Variants in BTD observed in about 807,000 individuals in gnomAD.
The protein encoded by BTD is biocytinase.
A neutral mutation model predicts 17.7 loss-of-function variants in BTD; 13 were observed. The ratio of observed to expected loss-of-function variants is 0.74; its 90% CI spans 0.48 to 1.17. BTD has a LOEUF of 1.17. Ranked by LOEUF, BTD falls within the 50% of genes most tolerant of loss-of-function variation. BTD has a pLI of 0.00. For missense variants in BTD, 674 were observed against 650.4 expected, an observed-to-expected ratio of 1.04 and a Z score of -0.39; for synonymous variants, 240 against 245.2, an observed-to-expected ratio of 0.98 and a Z score of 0.20.
chr3:15,605,965 C>T lies in BTD; in HGVS notation c.-17+4071C>T, dbSNP rs561396364. ...GACTGAGGTGGGAGAATCGTGTGAG[C>T]CAGGGAGGTAGATGTTGCAGTAAAC... On this transcript the variant is annotated intron_variant, in intron 1 of 3. Coordinates refer to ENST00000643237, the MANE Select transcript of BTD (RefSeq NM_001370658.1). 6.1e-5 allele frequency among the ~76,000 whole-genome samples: 9 copies of T among 148,414 alleles called. No homozygotes were observed. The South Asian group carries it at 1.5e-3, about 24-fold the overall frequency.
chr3:15,633,962 A>G (rs1420917586), intron 1 of BTD, among the ~76,000 whole-genome samples: 2 of 152,232 alleles, frequency 1.3e-5, no homozygotes, highest in Non-Finnish European at 2.9e-5. Context: ...ATCTTAAAAC[A>G]TTGTTTACAG....
At chr3:15,720,861 G>A (rs1485007367) in intron 4 of BTD, 2 of 1,499,510 alleles carry the variant, frequency 1.3e-6, no homozygotes, top group South Asian at 1.2e-5. Flanking sequence ...CACCATTGAT[G>A]TTGTTTTAAC....
At chr3:15,678,595 C>A (rs1349659683) in intron 3 of BTD, among the ~76,000 whole-genome samples, 1 of 152,060 alleles carries the variant, frequency 6.6e-6, no homozygotes, top group Non-Finnish European at 1.5e-5. Flanking sequence ...AGATTAATTA[C>A]AAAATTGCTA....
intron 3 of BTD, among the ~76,000 whole-genome samples, chr3:15,708,699 G>T (rs1328598793): frequency 6.6e-6 from 1 of 151,960 alleles, no homozygotes; most frequent in Non-Finnish European, 1.5e-5. Context: ...TATTTTTGTG[G>T]GTCATTAGTT....
intron 3 of BTD, among the ~76,000 whole-genome samples, chr3:15,643,433 G>A (rs906611959): frequency 2.6e-5 from 4 of 152,062 alleles, no homozygotes; most frequent in Non-Finnish European, 5.9e-5. Context: ...CCTGGGAGGC[G>A]GAAGTTGCAG....
At chr3:15,713,733 A>G (rs909632415), downstream of BTD, 7 of 717,822 alleles carry the variant, frequency 9.8e-6, no homozygotes, top group African/African-American at 1.1e-4. Context: ...CTGTTCACAT[A>G]CAAACTAATA....
In BTD at chr3:15,635,423, G is replaced by A; in HGVS notation, c.-16-1G>A. 1 of 1,614,210 alleles carries A rather than the reference G, an allele frequency of 6.2e-7. No homozygotes were observed. The highest frequency in any genetic ancestry group is 1.1e-5 in the South Asian group (1 of 91,078). On this transcript the variant is annotated splice_acceptor_variant, in intron 1 of 3. Transcript: ENST00000643237. LOFTEE classifies it low-confidence loss of function (5UTR_SPLICE). The surrounding 1 kb of genome is among the most constrained non-coding windows in gnomAD (Gnocchi z 4.1). The stretch of plus-strand genomic sequence containing the variant: ...TTTCCCCTTGCCCCATTACATTCCA[G>A]ATTTGTGGTCTGCATTATGTCTGGA...
intron 3 of BTD, chr3:15,675,843 T>C (rs2066878596): frequency 2.9e-6 from 4 of 1,372,292 alleles, no homozygotes; most frequent in South Asian, 1.4e-5. Context: ...TCTTCAAATA[T>C]GGATCAAAAG....
At chr3:15,713,837 T>G (rs745620889), downstream of BTD, among the ~76,000 whole-genome samples, 2 of 152,212 alleles carry the variant, frequency 1.3e-5, no homozygotes, top group Non-Finnish European at 2.9e-5. Flanking sequence ...TTGTGTGAAT[T>G]AAGCATAAGA....
chr3:15,707,224 T>A (rs1429827858), intron 3 of BTD, among the ~76,000 whole-genome samples: 1 of 151,330 alleles, frequency 6.6e-6, no homozygotes. Flanking sequence ...TGAAAATCTT[T>A]TCTGTTTTCA....
rs891458576 is a variant in BTD, at chr3:15,645,617, C to T, written c.*129C>T. On this transcript the variant is annotated 3_prime_UTR_variant, in exon 4 of 4. Transcript: ENST00000643237. ...AGCCCACTTCTGTGGCACCAGATTC[C>T]ACCCTGGGAACTGTGGAAAAAGTAG... The T allele has an allele frequency of 1.1e-5, 12 of 1,065,282 alleles. No individual in the cohort carries two copies. Among genetic ancestry groups the T allele is most frequent in the African/African-American group, 1.6e-5 (1 of 62,900 alleles). The allele number at this position is 1,065,282 out of a possible 1,614,324, so 66.0% of individuals were successfully genotyped here. A position where few individuals can be genotyped will look rare whatever the true frequency, so the allele number is the denominator to read the frequency against.
In BTD at chr3:15,601,830, T is replaced by C. The variant is rs2064254573; in HGVS notation, c.-81T>C. 2 of 1,614,030 alleles carry C rather than the reference T, an allele frequency of 1.2e-6. No individual in the cohort carries two copies. Among genetic ancestry groups the C allele is most frequent in the African/African-American group, 1.3e-5 (1 of 74,900 alleles). ...TCTCCGAGTCGGCCAGCTGGAGCGT[T>C]TTCGGGGCTGTAAAGGGAGAATGGC... is the stretch of plus-strand genomic sequence containing the variant. On this transcript the variant is annotated 5_prime_UTR_variant, in exon 1 of 4. Transcript: ENST00000643237.
intron 3 of BTD, among the ~76,000 whole-genome samples, chr3:15,674,137 A>G (rs571330678): frequency 1.0e-4 from 13 of 128,366 alleles, no homozygotes; most frequent in Non-Finnish European, 1.7e-4. Context: ...TCACCACTGT[A>G]CTCTAGTCTG....
At chr3:15,694,476 C>T (rs2069242772) in intron 3 of BTD, among the ~76,000 whole-genome samples, 1 of 151,946 alleles carries the variant, frequency 6.6e-6, no homozygotes, top group Non-Finnish European at 1.5e-5. Context: ...CCCTTTCTCT[C>T]CCCAGAAGGC....
chr3:15,713,809 C>G (rs2072641412), downstream of BTD, among the ~76,000 whole-genome samples: 1 of 152,156 alleles, frequency 6.6e-6, no homozygotes, highest in Admixed American at 6.5e-5. Flanking sequence ...GGATTTATAG[C>G]TTTTATACTT....
intron 3 of BTD, among the ~76,000 whole-genome samples, chr3:15,696,766 G>A (rs1408351732): frequency 6.6e-6 from 1 of 152,096 alleles, no homozygotes; most frequent in African/African-American, 2.4e-5. Flanking sequence ...ACAGAGTAAA[G>A]TGGTAAGAAG....
intron 1 of BTD, among the ~76,000 whole-genome samples, chr3:15,603,636 G>A (rs928312400): frequency 5.9e-5 from 9 of 152,068 alleles, no homozygotes; most frequent in Non-Finnish European, 1.2e-4. Context: ...CAGCCTGGGG[G>A]ACAGATCGAG....
intron 3 of BTD, among the ~76,000 whole-genome samples, chr3:15,661,561 C>T (rs915333202): frequency 6.6e-6 from 1 of 152,044 alleles, no homozygotes; most frequent in Non-Finnish European, 1.5e-5. Flanking sequence ...AGTTCTTTAT[C>T]CGTCTTTTGC....
intron 3 of BTD, among the ~76,000 whole-genome samples, chr3:15,700,370 G>C (rs898428658): frequency 6.6e-6 from 1 of 151,842 alleles, no homozygotes; most frequent in Non-Finnish European, 1.5e-5. Flanking sequence ...TGAGTTGATG[G>C]GTGCAGCAAA....
Sources: allele counts gnomAD v4.1 joint callset (sites outside exome capture counted in the v4.1 genomes callset), GRCh38; gene constraint gnomAD v4.1.1; non-coding constraint Gnocchi (gnomAD v3.1); transcripts MANE v1.5; gene names NCBI Gene and HGNC (gene_info 2026-07-23, HGNC 2026-07-21).